Variants in TASOR2 observed in about 807,000 individuals in gnomAD.
TASOR2 encodes the protein protein TASOR 2.
TASOR2 carries 84 observed loss-of-function variants against 199.5 expected under a neutral mutation model. The ratio of observed to expected loss-of-function variants is 0.42; its 90% confidence interval spans 0.35 to 0.50. The LOEUF (loss-of-function observed/expected upper bound fraction) is 0.50. TASOR2 is among the 20% of genes least tolerant of loss of function. The pLI is 0.02. For synonymous variants in TASOR2, 1,103 were observed against 1,046.6 expected, an observed-to-expected ratio of 1.05 and a Z score of -1.04; for missense variants, 2,796 against 2,835.9, an observed-to-expected ratio of 0.99 and a Z score of 0.32.
At chr10:5,739,485 G>T in intron 12 of TASOR2, 133 bp from the exon 14 acceptor site, 1 of 821,552 alleles carries the variant, frequency 1.2e-6, no homozygotes, top group Non-Finnish European at 1.8e-6. Flanking sequence ...TAATCTAATA[G>T]AAAATTTTAA....
At position 5,738,719 on chromosome 10, in the gene TASOR2, G is replaced by A. The variant is rs1030413205; in HGVS notation, c.1448-899G>A. ...TTGGACCTGCTACTATGATAAAGAG[G>A]AACATAGTTGGCTTTTCTGGTCATC... On this transcript the variant is annotated intron_variant, in intron 12 of 20. Coordinates refer to ENST00000328090, the Ensembl canonical transcript of TASOR2. This position sits in a 1 kb window ranked among gnomAD's most constrained non-coding sequence, Gnocchi z 4.7. Among the ~76,000 whole-genome samples, 1 of 152,202 alleles carries A rather than the reference G, an allele frequency of 6.6e-6. No individual in the cohort carries two copies.
chr10:5,746,545 A>G, exon 15 of TASOR2: 2 of 1,614,218 alleles, frequency 1.2e-6, no homozygotes, highest in Non-Finnish European at 1.7e-6. Flanking sequence ...GGATGATAAT[A>G]TGGGGTGTGC....
chr10:5,688,093 G>A (rs986537907), intron 1 of TASOR2, among the ~76,000 whole-genome samples: 1 of 152,130 alleles, frequency 6.6e-6, no homozygotes, highest in African/African-American at 2.4e-5. Flanking sequence ...GTATTATTTT[G>A]GTTGAAGTGC....
At chr10:5,726,760 A>G in intron 8 of TASOR2, 125 bp from the exon 10 acceptor site, 1 of 753,308 alleles carries the variant, frequency 1.3e-6, no homozygotes, top group Non-Finnish European at 2.2e-6. Flanking sequence ...AATTACCCTG[A>G]TTCCCATAAC....
intron 16 of TASOR2, among the ~76,000 whole-genome samples, chr10:5,757,124 C>CAA (rs1839072784): frequency 6.6e-6 from 1 of 150,950 alleles, no homozygotes; most frequent in South Asian, 2.1e-4. Flanking sequence ...CAACTACGGA[C>CAA]AAAGGCTGGG....
In TASOR2 at chr10:5,729,524, A is replaced by G. The variant is rs201668249; in HGVS notation, c.488-963A>G. On this transcript the variant is annotated intron_variant, in intron 10 of 20. Transcript: ENST00000328090. Reference sequence around the variant, plus strand: ...AAGACCAGCCTGAGCAACATGACAAATCCCATGTCTACAAAAAATACAAAA... The same window carrying G: ...AAGACCAGCCTGAGCAACATGACAAGTCCCATGTCTACAAAAAATACAAAA... Among the ~76,000 whole-genome samples the G allele has an allele frequency of 3.3e-5, 5 of 152,324 alleles. No individual in the cohort carries two copies. The East Asian group carries it at 5.8e-4, about 18-fold the overall frequency.
exon 15 of TASOR2, chr10:5,749,651 G>C: frequency 6.2e-7 from 1 of 1,614,150 alleles, no homozygotes; most frequent in Non-Finnish European, 8.5e-7. Flanking sequence ...AGTCATAATA[G>C]AGATCTTAGA....
In TASOR2 at chr10:5,698,829, A is replaced by G. The variant is rs996163451; in HGVS notation, c.-288+13654A>G. On this transcript the variant is annotated intron_variant, in intron 1 of 20. Transcript: ENST00000328090. This position sits in a 1 kb window ranked among gnomAD's most constrained non-coding sequence, Gnocchi z 4.4. ...AGCTGTAATCAAAAAGACAGATAAT[A>G]ACAAGTGTTGGTAATGCTGTGAAAA... 6.6e-6 allele frequency among the ~76,000 whole-genome samples: 1 copy of G among 152,238 alleles called. No individual in the cohort carries two copies. Among genetic ancestry groups the G allele is most frequent in the Non-Finnish European group, 1.5e-5 (1 of 68,032 alleles).
rs1837364684 is a variant in TASOR2, at chr10:5,698,009, A to T, written c.-288+12834A>T. On this transcript the variant is annotated intron_variant, in intron 1 of 20. Transcript: ENST00000328090. This position sits in a 1 kb window ranked among gnomAD's most constrained non-coding sequence, Gnocchi z 4.4. ...AATTTATTCCCAAGGTTGTGCAATG[A>T]TCACCACTACCAATTGCATTATTGA... is the stretch of plus-strand genomic sequence containing the variant. Among the ~76,000 whole-genome samples, 1 of 152,192 alleles carries T rather than the reference A, an allele frequency of 6.6e-6. No individual in the cohort carries two copies. The highest frequency in any genetic ancestry group is 2.4e-5 in the African/African-American group (1 of 41,432).
At position 5,749,680 on chromosome 10, in the gene TASOR2, ACT is replaced by A; in HGVS notation, c.6260_6261del (p.Thr2087SerfsTer20). On this transcript the variant is annotated frameshift_variant, in exon 15 of 21. Transcript: ENST00000328090. LOFTEE classifies it high-confidence loss of function. ...TCTTAGAAATTCTCAAAGAAATCAC[ACT>A]GTTTCATTCCACCTCAACAAACTGA... 1 of 1,614,224 alleles carries A rather than the reference ACT, an allele frequency of 6.2e-7. No homozygotes were observed. Among genetic ancestry groups the A allele is most frequent in the Non-Finnish European group, 8.5e-7 (1 of 1,180,024 alleles).
At chr10:5,761,427 T>A (rs935270660) in exon 19 of TASOR2, 1 of 1,613,554 alleles carries the variant, frequency 6.2e-7, no homozygotes. Context: ...TTGCTAAACC[T>A]GCAAATTCAG....
In TASOR2 at chr10:5,740,560, G is replaced by A. The variant is rs1836263468; in HGVS notation, c.2327+63G>A. ...TTTTCTGTTGAGATGAATGTAGTGA[G>A]ATGGGGAAACTTATGCCAAACTCTG... On this transcript the variant is annotated intron_variant, in intron 13 of 20. Coordinates refer to ENST00000328090, the Ensembl canonical transcript of TASOR2. The surrounding 1 kb of genome is among the most constrained non-coding windows in gnomAD (Gnocchi z 5.3). 6.6e-7 allele frequency: 1 copy of A among 1,525,970 alleles called. No individual in the cohort carries two copies. The highest frequency in any genetic ancestry group is 2.3e-5 in the East Asian group (1 of 44,152). The allele number at this position is 1,525,970 out of a possible 1,614,324, so 94.5% of individuals were successfully genotyped here.
At chr10:5,755,046 C>CAAAAAAAAAAAAAAAAAA (rs34884255) in intron 15 of TASOR2, among the ~76,000 whole-genome samples, 1 of 78,124 alleles carries the variant, frequency 1.3e-5, no homozygotes, top group Non-Finnish European at 2.4e-5. Flanking sequence ...ACTCTTGTCT[C>CAAAAAAAAAAAAAAAAAA]AAAAAAAAAA....
At chr10:5,705,153 T>C (rs1014692778) in intron 1 of TASOR2, among the ~76,000 whole-genome samples, 95 of 152,336 alleles carry the variant, frequency 6.2e-4, no homozygotes, top group African/African-American at 2.2e-3. Context: ...CCACTTGTAG[T>C]CAATTTTCCT....
At chr10:5,691,288 TGTG>T (rs749176018) in intron 1 of TASOR2, among the ~76,000 whole-genome samples, 4 of 152,042 alleles carry the variant, frequency 2.6e-5, no homozygotes, top group Non-Finnish European at 5.9e-5. Flanking sequence ...GGAAAAAAAT[TGTG>T]GTGTTTATAA....
chr10:5,702,635 ATTTTTTTTTT>A (rs71388467), intron 1 of TASOR2, among the ~76,000 whole-genome samples: 851 of 84,916 alleles, frequency 0.01, 13 homozygotes, highest in African/African-American at 0.036. Flanking sequence ...TAAAATGGTC[ATTTTTTTTTT>A]TTTTTTTTTT....
chr10:5,696,180 C>T (rs1210632333), intron 1 of TASOR2, among the ~76,000 whole-genome samples: 1 of 152,128 alleles, frequency 6.6e-6, no homozygotes, highest in Non-Finnish European at 1.5e-5. Context: ...GGCTTACGTG[C>T]CCCTCAACAA....
Position 5,719,673 on chromosome 10 carries a change from T to C in TASOR2, c.-99-871T>C, listed in dbSNP as rs1041122017. Among the ~76,000 whole-genome samples, 2 of 152,010 alleles carry C rather than the reference T, an allele frequency of 1.3e-5. No homozygotes were observed. The highest frequency in any genetic ancestry group is 4.8e-5 in the African/African-American group (2 of 41,386). On this transcript the variant is annotated intron_variant, in intron 3 of 20. Transcript: ENST00000328090. The surrounding 1 kb of genome is among the most constrained non-coding windows in gnomAD (Gnocchi z 4.1). ...TTTTTTCTTTTTTTTTGGAGAGACATGTAACCCTTGATGGAGAGAACTCTG... is the reference window on the plus strand; with the variant it reads ...TTTTTTCTTTTTTTTTGGAGAGACACGTAACCCTTGATGGAGAGAACTCTG...
intron 1 of TASOR2, among the ~76,000 whole-genome samples, chr10:5,704,593 G>A (rs1055102648): frequency 6.6e-6 from 1 of 151,820 alleles, no homozygotes; most frequent in Non-Finnish European, 1.5e-5. Flanking sequence ...TTTTTCTTCG[G>A]TTTAATTAAT....
Sources: gnomAD v4.1 joint callset for allele counts (sites outside exome capture counted in the v4.1 genomes callset) on GRCh38, gnomAD v4.1.1 for gene constraint, Gnocchi (gnomAD v3.1) non-coding constraint, MANE v1.5 for transcripts, NCBI Gene and HGNC (gene_info 2026-07-23, HGNC 2026-07-21) for gene names.